The following MAML2 variants were observed in gnomAD, a reference collection of about 807,000 sequenced individuals.
The protein encoded by MAML2 is mastermind-like protein 2.
A neutral mutation model predicts 96.1 loss-of-function variants in MAML2; 22 were observed. The ratio of observed to expected loss-of-function variants is 0.23; its 90% CI spans 0.16 to 0.33. The LOEUF (loss-of-function observed/expected upper bound fraction) is 0.33, where lower values mean the gene tolerates loss of function less well. MAML2 is among the 10% of genes least tolerant of loss of function. MAML2 has a pLI of 1.00. For synonymous variants in MAML2, 561 were observed against 521.3 expected (o/e 1.08, Z -1.04); for missense variants, 1,367 against 1,392.4 (o/e 0.98, Z 0.29).
intron 1 of MAML2, among the ~76,000 whole-genome samples, chr11:96,235,974 G>T (rs1017928636): frequency 6.6e-6 from 1 of 152,230 alleles, no homozygotes; most frequent in Non-Finnish European, 1.5e-5. Flanking sequence ...TGCATCACTT[G>T]TGCCAGAGAT....
At chr11:96,066,216 A>C (rs1294208049) in intron 2 of MAML2, among the ~76,000 whole-genome samples, 1 of 152,190 alleles carries the variant, frequency 6.6e-6, no homozygotes, top group East Asian at 1.9e-4. Context: ...TGATCTAAGC[A>C]TCAGTGCTGA....
At chr11:95,992,191 C>T (rs1355014767) in intron 2 of MAML2, among the ~76,000 whole-genome samples, 1 of 152,154 alleles carries the variant, frequency 6.6e-6, no homozygotes, top group African/African-American at 2.4e-5. Context: ...TTTTGCCTTA[C>T]CCAGCTTTCT....
At chr11:96,275,330 T>C (rs1862973876) in intron 1 of MAML2, among the ~76,000 whole-genome samples, 1 of 138,870 alleles carries the variant, frequency 7.2e-6, no homozygotes, top group African/African-American at 2.8e-5. Context: ...CAGGCTGGAG[T>C]GCAGTGGCGT....
At chr11:96,180,743 T>C (rs1861470291) in intron 1 of MAML2, among the ~76,000 whole-genome samples, 1 of 152,174 alleles carries the variant, frequency 6.6e-6, no homozygotes, top group African/African-American at 2.4e-5. Flanking sequence ...GGTACCTTCA[T>C]GTGTGTCCGT....
chr11:96,316,419 A>T (rs1863634104), intron 1 of MAML2, among the ~76,000 whole-genome samples: 1 of 152,244 alleles, frequency 6.6e-6, no homozygotes, highest in Non-Finnish European at 1.5e-5. Flanking sequence ...AAGATACAGA[A>T]TAACAGAAGA....
At chr11:96,232,843 A>T (rs969881632) in intron 1 of MAML2, among the ~76,000 whole-genome samples, 3 of 152,334 alleles carry the variant, frequency 2.0e-5, no homozygotes, top group Non-Finnish European at 2.9e-5. Context: ...CGCATTGCTG[A>T]AGTATTAGAA....
At chr11:96,065,274 G>A (rs890991021) in intron 2 of MAML2, among the ~76,000 whole-genome samples, 5 of 152,176 alleles carry the variant, frequency 3.3e-5, no homozygotes, top group African/African-American at 1.2e-4. Context: ...AGAAGTTCTT[G>A]TAATATACCC....
intron 1 of MAML2, among the ~76,000 whole-genome samples, chr11:96,179,555 G>C (rs891972951): frequency 2.6e-5 from 4 of 152,150 alleles, no homozygotes; most frequent in Non-Finnish European, 1.5e-5. Context: ...TCCCTAATCA[G>C]CTTGGGACTC....
At chr11:96,291,746 G>A (rs1277812872) in intron 1 of MAML2, among the ~76,000 whole-genome samples, 2 of 152,200 alleles carry the variant, frequency 1.3e-5, no homozygotes, top group Non-Finnish European at 2.9e-5. Flanking sequence ...GCACACACAT[G>A]CATACATCAT....
At chr11:96,298,913 C>T (rs1020069378) in intron 1 of MAML2, among the ~76,000 whole-genome samples, 7 of 146,024 alleles carry the variant, frequency 4.8e-5, no homozygotes, top group Non-Finnish European at 9.1e-5. Context: ...AGCGTGGTGG[C>T]GGGCGCCTGT....
At chr11:96,321,065 T>G (rs1009803685) in intron 1 of MAML2, among the ~76,000 whole-genome samples, 1 of 152,190 alleles carries the variant, frequency 6.6e-6, no homozygotes, top group African/African-American at 2.4e-5. Context: ...CACTCATCAT[T>G]TAGCTGGAGG....
At chr11:96,154,676 A>G (rs502280) in intron 1 of MAML2, among the ~76,000 whole-genome samples, 151,642 of 152,312 alleles carry the variant, frequency 1, 75,489 homozygotes, top group Middle Eastern at 1. Context: ...AGGCACTGTG[A>G]ATAAAAAGAT....
intron 1 of MAML2, among the ~76,000 whole-genome samples, chr11:96,126,886 AG>A (rs776692898): frequency 3.8e-4 from 57 of 150,692 alleles, no homozygotes; most frequent in Non-Finnish European, 7.5e-4. Flanking sequence ...GCGTGATGAC[AG>A]TGCATGTGGT....
At chr11:95,990,689 T>C (rs1466062273) in intron 3 of MAML2, among the ~76,000 whole-genome samples, 2 of 152,170 alleles carry the variant, frequency 1.3e-5, no homozygotes, top group African/African-American at 4.8e-5. Flanking sequence ...ATAGCACTTG[T>C]GATACCCTGC....
chr11:96,015,651 C>T (rs1002019303), intron 2 of MAML2, among the ~76,000 whole-genome samples: 8 of 148,852 alleles, frequency 5.4e-5, no homozygotes, highest in Non-Finnish European at 1.2e-4. Context: ...TGTAGAAGAT[C>T]CTTTATGCCA....
At chr11:96,227,950 A>G (rs1449543531) in intron 1 of MAML2, among the ~76,000 whole-genome samples, 1 of 152,144 alleles carries the variant, frequency 6.6e-6, no homozygotes, top group African/African-American at 2.4e-5. Context: ...AAAAACTACA[A>G]AAATAGTGGA....
At position 96,080,902 on chromosome 11, in the gene MAML2, A is replaced by G. The variant is rs536950016; in HGVS notation, c.2139+10990T>C. On this transcript the variant is annotated intron_variant, in intron 2 of 4. Transcript: ENST00000524717. Reference sequence around the variant, plus strand: ...CCTGATTCTGAGGTAGACACTCCTCAGGTCTAATCCATTTTACATAATGCA... The same window carrying G: ...CCTGATTCTGAGGTAGACACTCCTCGGGTCTAATCCATTTTACATAATGCA... 2.0e-5 allele frequency among the ~76,000 whole-genome samples: 3 copies of G among 152,216 alleles called. No individual in the cohort carries two copies. The South Asian group carries it at 6.2e-4, about 32-fold the overall frequency.
In MAML2 at chr11:96,341,889, C is replaced by G; in HGVS notation, c.7G>C (p.Asp3His). 1 of 1,523,596 alleles carries G rather than the reference C, an allele frequency of 6.6e-7. No individual in the cohort carries two copies. The highest frequency in any genetic ancestry group is 8.8e-7 in the Non-Finnish European group (1 of 1,138,938). 94.4% of individuals were successfully genotyped at this position (1,523,596 alleles called of 1,614,324 possible). ...GCGGGGGCCTGCGGGGGCGCTGTGT[C>G]CCCCATCTTACCGGACACAATGATT... is the stretch of plus-strand genomic sequence containing the variant. Reference protein sequence around the residue: MGDTAPPQAPAGG... With the variant: MGHTAPPQAPAGG... The change falls in exon 1 of 5, where the codon GAC becomes CAC. Residue 3 changes from aspartate (D) to histidine (H), a missense_variant. Physicochemically the swap from Asp to His is moderately conservative, Grantham distance 81. Transcript: ENST00000524717.
At chr11:96,243,210 C>A (rs1862460913) in intron 1 of MAML2, among the ~76,000 whole-genome samples, 1 of 152,176 alleles carries the variant, frequency 6.6e-6, no homozygotes, top group Non-Finnish European at 1.5e-5. Flanking sequence ...CTCTTCCTTT[C>A]CGCTTTTAAA....
Sources: gnomAD v4.1 joint callset for allele counts (sites outside exome capture counted in the v4.1 genomes callset) on GRCh38, gnomAD v4.1.1 for gene constraint, MANE v1.5 for transcripts, NCBI Gene and HGNC (gene_info 2026-07-23, HGNC 2026-07-21) for gene names.